RPS6KA5: variants seen among roughly 807,000 people sequenced by gnomAD.
RPS6KA5 encodes ribosomal protein S6 kinase alpha-5.
RPS6KA5 carries 27 observed loss-of-function variants against 85.5 expected under a neutral mutation model. The observed-to-expected ratio is 0.32, with a 90% confidence interval of 0.23 to 0.44. The LOEUF (loss-of-function observed/expected upper bound fraction) is 0.44. RPS6KA5 is among the 20% of genes least tolerant of loss of function. The pLI, the probability that RPS6KA5 is intolerant of heterozygous loss-of-function variation, is 1.00. For synonymous variants in RPS6KA5, 334 were observed against 348.2 expected, an observed-to-expected ratio of 0.96 and a Z score of 0.46; for missense variants, 811 against 980.9, an observed-to-expected ratio of 0.83 and a Z score of 2.31.
At chr14:90,982,765 G>C (rs1451255312) in intron 2 of RPS6KA5, among the ~76,000 whole-genome samples, 1 of 152,034 alleles carries the variant, frequency 6.6e-6, no homozygotes, top group Non-Finnish European at 1.5e-5. Flanking sequence ...GATCACCTGA[G>C]GTCAGGAATT....
In RPS6KA5 at chr14:91,060,626, G is replaced by T. The variant is rs960557168; in HGVS notation, c.-192C>A. The T allele has an allele frequency of 5.4e-6, 4 of 741,926 alleles. No individual in the cohort carries two copies. The African/African-American group carries it at 5.5e-5, about 10-fold the overall frequency. 46.0% of individuals were successfully genotyped at this position (741,926 alleles called of 1,614,324 possible). On this transcript the variant is annotated 5_prime_UTR_variant, in exon 1 of 17. Coordinates refer to ENST00000614987, the MANE Select transcript of RPS6KA5 (RefSeq NM_004755.4). ...TCCTCGCCTCCTCCCCCTTCGGCGGGCACCGCTAGTACCGCGCAACCAAAC... is the reference window on the plus strand; with the variant it reads ...TCCTCGCCTCCTCCCCCTTCGGCGGTCACCGCTAGTACCGCGCAACCAAAC...
chr14:91,030,611 G>GAAAAAA lies in RPS6KA5; in HGVS notation c.104-29458_104-29453dup, dbSNP rs58737573. 3.3e-3 allele frequency among the ~76,000 whole-genome samples: 72 copies of GAAAAAA among 22,050 alleles called. 4 individuals carry two copies. The highest frequency in any genetic ancestry group is 0.013 in the East Asian group (4 of 316). The allele number at this position is 22,050 out of a possible 152,430, so 14.5% of individuals were successfully genotyped here. On this transcript the variant is annotated intron_variant, in intron 1 of 16. Coordinates refer to ENST00000614987, the MANE Select transcript of RPS6KA5 (RefSeq NM_004755.4). ...AACATGCAAGACACCAAAATAAACA[G>GAAAAAA]AAAAAAAAAAAAAAAAAAAAAAAAA...
intron 1 of RPS6KA5, among the ~76,000 whole-genome samples, chr14:91,031,337 C>A (rs1371423692): frequency 6.6e-6 from 1 of 152,100 alleles, no homozygotes; most frequent in Non-Finnish European, 1.5e-5. Flanking sequence ...AAAAAAAAAT[C>A]TCCTATGCAA....
At chr14:91,030,289 G>C (rs1015748503) in intron 1 of RPS6KA5, among the ~76,000 whole-genome samples, 3 of 152,170 alleles carry the variant, frequency 2.0e-5, no homozygotes, top group African/African-American at 7.2e-5. Flanking sequence ...ACTGGGTATA[G>C]AGAGAAGCAA....
chr14:90,882,353 C>T (rs2033898084), intron 14 of RPS6KA5, among the ~76,000 whole-genome samples: 1 of 152,190 alleles, frequency 6.6e-6, no homozygotes. Flanking sequence ...ACCGATAATT[C>T]TTTTAAATGC....
intron 3 of RPS6KA5, among the ~76,000 whole-genome samples, chr14:90,955,096 A>G (rs1363524566): frequency 2.6e-5 from 4 of 151,952 alleles, no homozygotes; most frequent in African/African-American, 9.7e-5. Flanking sequence ...CTAATTTCTA[A>G]TCTTTGTTAT....
At chr14:91,035,956 G>GAAAAA (rs10689832) in intron 1 of RPS6KA5, among the ~76,000 whole-genome samples, 1 of 133,450 alleles carries the variant, frequency 7.5e-6, no homozygotes, top group Non-Finnish European at 1.6e-5. Flanking sequence ...CTTAGGGTAT[G>GAAAAA]AAAAAAAAAA....
intron 5 of RPS6KA5, 119 bp from the exon 6 acceptor site, chr14:90,923,315 C>T: frequency 1.3e-6 from 1 of 748,160 alleles, no homozygotes; most frequent in South Asian, 1.6e-5. Context: ...GTGGTAGAAT[C>T]TACTTGACAG....
intron 1 of RPS6KA5, among the ~76,000 whole-genome samples, chr14:91,036,160 TG>T (rs1349687810): frequency 1.3e-5 from 2 of 152,178 alleles, no homozygotes; most frequent in African/African-American, 2.4e-5. Flanking sequence ...GACAAATGGA[TG>T]GGCATGTGCA....
chr14:91,034,974 G>C (rs1158180729), intron 1 of RPS6KA5, among the ~76,000 whole-genome samples: 1 of 152,044 alleles, frequency 6.6e-6, no homozygotes, highest in African/African-American at 2.4e-5. Flanking sequence ...TTTGATGGGG[G>C]GAGGGGAGAC....
chr14:91,060,488 G>C lies in RPS6KA5; in HGVS notation c.-54C>G. 7.6e-7 allele frequency: 1 copy of C among 1,310,214 alleles called. No individual in the cohort carries two copies. Among genetic ancestry groups the C allele is most frequent in the African/African-American group, 1.5e-5 (1 of 65,262 alleles). 81.2% of individuals were successfully genotyped at this position (1,310,214 alleles called of 1,614,324 possible). ...CGCTACGAGGGGAACCCAGGAGACA[G>C]CGGACGCCCGTCCCCTCGCAGCCGC... On this transcript the variant is annotated 5_prime_UTR_variant, in exon 1 of 17. Coordinates refer to ENST00000614987, the MANE Select transcript of RPS6KA5 (RefSeq NM_004755.4).
intron 5 of RPS6KA5, among the ~76,000 whole-genome samples, chr14:90,936,529 G>T (rs548107781): frequency 6.6e-6 from 1 of 151,942 alleles, no homozygotes; most frequent in South Asian, 2.1e-4. Flanking sequence ...GCCACGCTGG[G>T]TGACAGACCA....
intron 1 of RPS6KA5, among the ~76,000 whole-genome samples, chr14:91,021,632 C>CT (rs1432688156): frequency 6.6e-6 from 1 of 152,114 alleles, no homozygotes; most frequent in Admixed American, 6.6e-5. Context: ...AGGCTGGTCT[C>CT]TAACTCCTGA....
In RPS6KA5 at chr14:90,964,008, G is replaced by C. The variant is rs188297083; in HGVS notation, c.394+14298C>G. 5.5e-3 allele frequency among the ~76,000 whole-genome samples: 845 copies of C among 152,260 alleles called. 2 individuals are homozygous for C. The highest frequency in any genetic ancestry group is 9.5e-3 in the Admixed American group (145 of 15,286). ...ATATATCCTCTTCAAGTAAATGGAA[G>C]TCACTGAGAGACGTCAAGCAGTGGA... On this transcript the variant is annotated intron_variant, in intron 3 of 16. Transcript: ENST00000614987.
intron 1 of RPS6KA5, among the ~76,000 whole-genome samples, chr14:91,055,044 A>G (rs1181198372): frequency 6.6e-6 from 1 of 152,336 alleles, no homozygotes; most frequent in Middle Eastern, 3.4e-3. Context: ...AAGCACATGA[A>G]AAGATGCTTG....
intron 3 of RPS6KA5, among the ~76,000 whole-genome samples, chr14:90,951,389 G>A (rs2038178058): frequency 6.6e-6 from 1 of 151,606 alleles, no homozygotes; most frequent in Admixed American, 6.6e-5. Flanking sequence ...GGGAGGCTGA[G>A]GCAGGAGAAT....
chr14:90,914,993 G>T (rs1414700873), intron 7 of RPS6KA5, among the ~76,000 whole-genome samples: 1 of 152,022 alleles, frequency 6.6e-6, no homozygotes, highest in Non-Finnish European at 1.5e-5. Flanking sequence ...AGGAAGAAAA[G>T]AATAAACCCC....
chr14:90,948,726 C>G lies in RPS6KA5; in HGVS notation c.395-1176G>C, dbSNP rs184281829. On this transcript the variant is annotated intron_variant, in intron 3 of 16. Coordinates refer to ENST00000614987, the MANE Select transcript of RPS6KA5 (RefSeq NM_004755.4). ...AAAAACAAAAAAACCCCAAAAAACA[C>G]AACAACAAAAAAAACCACTGACACA... Among the ~76,000 whole-genome samples, 523 of 144,872 alleles carry G rather than the reference C, an allele frequency of 3.6e-3. 2 individuals carry two copies. Among genetic ancestry groups the G allele is most frequent in the Middle Eastern group, 7.5e-3 (2 of 268 alleles).
intron 3 of RPS6KA5, among the ~76,000 whole-genome samples, chr14:90,960,691 C>A (rs1471911188): frequency 6.6e-6 from 1 of 152,200 alleles, no homozygotes; most frequent in Non-Finnish European, 1.5e-5. Context: ...TTGATCCATG[C>A]CAGCTTATCT....
Sources: allele counts gnomAD v4.1 joint callset (sites outside exome capture counted in the v4.1 genomes callset), GRCh38; gene constraint gnomAD v4.1.1; transcripts MANE v1.5; gene names NCBI Gene and HGNC (gene_info 2026-07-23, HGNC 2026-07-21).